The following HGS variants were observed in gnomAD, a reference collection of about 807,000 sequenced individuals.
HGS encodes the protein human growth factor-regulated tyrosine kinase substrate.
A neutral mutation model predicts 109.7 loss-of-function variants in HGS; 63 were observed. The observed-to-expected ratio is 0.57, with a 90% CI of 0.47 to 0.71. The LOEUF (loss-of-function observed/expected upper bound fraction) is 0.71. HGS is among the 30% of genes least tolerant of loss of function. The pLI, the probability that HGS is intolerant of heterozygous loss-of-function variation, is 0.00. For synonymous variants in HGS, 546 were observed against 437.3 expected, an observed-to-expected ratio of 1.25 and a Z score of -3.10; for missense variants, 995 against 1,068.3, an observed-to-expected ratio of 0.93 and a Z score of 0.96.
In HGS at chr17:81,701,494, T is replaced by G. The variant is rs1416425527; in HGVS notation, c.2224-14T>G. ...AGGGAGGACCAGGGCCATGCCTGCT[T>G]TCCTCCTGCACAGATGGCACCCTCT... On this transcript the variant is annotated splice_polypyrimidine_tract_variant and intron_variant, in intron 21 of 21. Coordinates refer to ENST00000329138, the MANE Select transcript of HGS (RefSeq NM_004712.5). The G allele has an allele frequency of 6.5e-7, 1 of 1,543,090 alleles. No homozygotes were observed. Among genetic ancestry groups the G allele is most frequent in the Non-Finnish European group, 8.7e-7 (1 of 1,149,890 alleles).
At position 81,694,974 on chromosome 17, in the gene HGS, T is replaced by A; in HGVS notation, c.1026T>A (p.Ala342=). The A allele has an allele frequency of 6.2e-7, 1 of 1,614,050 alleles. No individual in the cohort carries two copies. The highest frequency in any genetic ancestry group is 1.1e-5 in the South Asian group (1 of 91,082). ...RNYWEKKQEE[A]RKSPTPSAPV... is the part of the protein sequence containing the mutation. ...ACTGGGAGAAGAAGCAGGAGGAGGC[T>A]CGCAAGAGCCCCACGCCATCTGCGC... Residue 342 remains alanine (A), a synonymous_variant, in exon 13 of 22, where the codon GCT becomes GCA. Coordinates refer to ENST00000329138, the MANE Select transcript of HGS (RefSeq NM_004712.5).
intron 18 of HGS, 171 bp downstream of exon 18, chr17:81,697,169 G>C (rs2037165171): frequency 1.4e-6 from 1 of 724,148 alleles, no homozygotes; most frequent in Non-Finnish European, 2.2e-6. Context: ...AGGCTTTCCT[G>C]CTGGAGCCGT....
Position 81,696,376 on chromosome 17 carries a change from G to A in HGS, c.1413G>A (p.Gln471=), listed in dbSNP as rs140891543. ...DERRLYYEGL[Q]DKLAQIRDAR... is the part of the protein sequence containing the mutation. ...CCACAGTGTACTATGAGGGGCTGCAGGACAAGCTGGCACAGATCCGCGATG... is the reference window on the plus strand; with the variant it reads ...CCACAGTGTACTATGAGGGGCTGCAAGACAAGCTGGCACAGATCCGCGATG... The change falls in exon 16 of 22, where the codon CAG becomes CAA. Residue 471 remains glutamine (Q), a synonymous_variant. Transcript: ENST00000329138. 142 of 1,588,340 alleles carry A rather than the reference G, an allele frequency of 8.9e-5. No individual in the cohort carries two copies. In the African/African-American group the frequency reaches 1.7e-3, roughly 19 times the overall value.
chr17:81,701,426 T>G, intron 21 of HGS, 82 bp from the exon 22 acceptor site: 1 of 1,406,486 alleles, frequency 7.1e-7, no homozygotes, highest in Non-Finnish European at 9.6e-7. Context: ...CTTGTGGGTC[T>G]GTGGCTCTGC....
chr17:81,689,719 C>T (rs56267991), intron 5 of HGS, among the ~76,000 whole-genome samples: 4,856 of 152,240 alleles, frequency 0.032, 181 homozygotes, highest in African/African-American at 0.084. Context: ...GGGCGCTGCA[C>T]GAGCTGCCTT....
chr17:81,700,419 C>A, intron 18 of HGS, 48 bp from the exon 19 acceptor site: 2 of 1,496,708 alleles, frequency 1.3e-6, no homozygotes, highest in Non-Finnish European at 1.8e-6. Context: ...CCTTCCTCTC[C>A]TCCCTGTTGC....
Position 81,694,929 on chromosome 17 carries a change from A to G in HGS, c.981A>G (p.Ala327=), listed in dbSNP as rs1233614935. Residue 327 remains alanine (A), a synonymous_variant, in exon 13 of 22, where the codon GCA becomes GCG. Transcript: ENST00000329138. The stretch of plus-strand genomic sequence containing the variant: ...GACCCCCTCATTGCCTGCAGCTCGC[A>G]CGGTATCTCAACCGGAACTACTGGG... The part of the protein sequence containing the change: ...PLAEDIDPEL[A]RYLNRNYWEK... 1.2e-6 allele frequency: 2 copies of G among 1,614,130 alleles called. No individual in the cohort carries two copies. The highest frequency in any genetic ancestry group is 2.2e-5 in the East Asian group (1 of 44,876).
rs1165656903 is a variant in HGS, at chr17:81,686,396, AC to A, written c.198+14del. 1.2e-6 allele frequency: 2 copies of A among 1,611,710 alleles called. No homozygotes were observed. The highest frequency in any genetic ancestry group is 1.7e-5 in the Admixed American group (1 of 59,982). On this transcript the variant is annotated intron_variant, in intron 3 of 21. Coordinates refer to ENST00000329138, the MANE Select transcript of HGS (RefSeq NM_004712.5). ...CCTTGTATGCCCTGGAGGTAAGCAG[AC>A]CCCCGTGCCTCAGTGGCCCCCAGGG...
At chr17:81,694,304 C>T (rs1479631732) in intron 11 of HGS, among the ~76,000 whole-genome samples, 1 of 152,242 alleles carries the variant, frequency 6.6e-6, no homozygotes, top group Non-Finnish European at 1.5e-5. Flanking sequence ...TCTCCCTGGC[C>T]TCAGCCCCGC....
chr17:81,699,508 C>T (rs1021824237), intron 18 of HGS, among the ~76,000 whole-genome samples: 1 of 152,236 alleles, frequency 6.6e-6, no homozygotes, highest in Admixed American at 6.5e-5. Flanking sequence ...TCACGGCATT[C>T]TCCGCCTCCC....
At chr17:81,690,789 T>A (rs746616706) in intron 7 of HGS, 47 bp downstream of exon 7, 37 of 1,548,976 alleles carry the variant, frequency 2.4e-5, no homozygotes, top group Non-Finnish European at 3.2e-5. Context: ...AGACACCAGG[T>A]CCCCTGCCGT....
In HGS at chr17:81,693,873, C is replaced by A; in HGVS notation, c.844C>A (p.Gln282Lys). 2.5e-6 allele frequency: 4 copies of A among 1,607,184 alleles called. No homozygotes were observed. ...GCCCCTTCTGATTCTGCCTCAGAGA[C>A]AGAAGTCCACGTACACTTCGTACCC... ...SEAEEKERLRQKSTYTSYPKA... is the reference protein window; with the variant it reads ...SEAEEKERLRKKSTYTSYPKA... Residue 282 changes from glutamine to lysine, a missense_variant, in exon 11 of 22, where the codon CAG (glutamine) becomes AAG (lysine). By Grantham distance (53) the Gln-to-Lys change is moderately conservative. Transcript: ENST00000329138.
chr17:81,684,356 C>T (rs1036425930), intron 1 of HGS: 4 of 351,310 alleles, frequency 1.1e-5, no homozygotes, highest in African/African-American at 6.4e-5. Flanking sequence ...GCTCGGCGAC[C>T]TCGCTCCTCC....
At chr17:81,685,461 C>T in intron 1 of HGS, 144 bp from the exon 2 acceptor site, 2 of 570,074 alleles carry the variant, frequency 3.5e-6, no homozygotes, top group Non-Finnish European at 6.2e-6. Flanking sequence ...TCAGCACGCT[C>T]AGGAGGATTC....
Position 81,696,954 on chromosome 17 carries a change from C to A in HGS, c.1838C>A (p.Ala613Asp), listed in dbSNP as rs1204586677. 6.2e-7 allele frequency: 1 copy of A among 1,603,084 alleles called. No individual in the cohort carries two copies. The change falls in exon 18 of 22, where the codon GCC becomes GAC. Residue 613 changes from alanine (A) to aspartate (D), a missense_variant. By Grantham distance (126) the Ala-to-Asp change is moderately radical. This residue lies in a region of HGS where 326 missense variants were observed against 309.7 expected (regional missense o/e 1.05). Transcript: ENST00000329138. ...CACGGCGTGTACATGAGCCAGCCGG[C>A]CCCTGCCGCTGGCCCCTACCCCAGC... ...PMHGVYMSQP[A>D]PAAGPYPSMP...
Position 81,688,766 on chromosome 17 carries a change from C to G in HGS, c.354C>G (p.Ala118=). 6.2e-7 allele frequency: 1 copy of G among 1,614,178 alleles called. No homozygotes were observed. Among genetic ancestry groups the G allele is most frequent in the Non-Finnish European group, 8.5e-7 (1 of 1,180,016 alleles). Residue 118 remains alanine (A), a synonymous_variant, in exon 5 of 22, where the codon GCC becomes GCG. Transcript: ENST00000329138. ...ACCTGATCCAGGCCTGGGCGCATGC[C>G]TTCCGGAACGAGCCCAAGTACAAGG... ...ILYLIQAWAH[A]FRNEPKYKVV...
rs563570075 is a variant in HGS, at chr17:81,687,475, C to G, written c.291+380C>G. ...ATCGTGTGTGAGAGTGGCTGTGGTC[C>G]GGAGGGCAGGCTGGCCACATCCCAC... On this transcript the variant is annotated intron_variant, in intron 4 of 21. Transcript: ENST00000329138. Among the ~76,000 whole-genome samples, 6 of 152,048 alleles carry G rather than the reference C, an allele frequency of 3.9e-5. No homozygotes were observed. The South Asian group carries it at 1.0e-3, about 26-fold the overall frequency.
At chr17:81,696,226 C>A (rs1375774418) in intron 15 of HGS, 131 bp from the exon 16 acceptor site, 1 of 1,259,164 alleles carries the variant, frequency 7.9e-7, no homozygotes, top group East Asian at 2.6e-5. Context: ...CTGCCTCCCC[C>A]AGAGCCCAGC....
At chr17:81,686,818 C>G (rs1382929208) in intron 3 of HGS, among the ~76,000 whole-genome samples, 185 bp from the exon 4 acceptor site, 1 of 151,132 alleles carries the variant, frequency 6.6e-6, no homozygotes, top group African/African-American at 2.5e-5. Context: ...TGCTGTCCCA[C>G]CGGGTTCCCC....
Sources: gnomAD v4.1 joint callset for allele counts (sites outside exome capture counted in the v4.1 genomes callset) on GRCh38, gnomAD v4.1.1 for gene constraint, gnomAD v4.1.1 regional missense constraint, MANE v1.5 for transcripts, NCBI Gene and HGNC (gene_info 2026-07-23, HGNC 2026-07-21) for gene names.